Variants in NTRK2 observed in about 807,000 individuals in gnomAD.
NTRK2 encodes neurotrophic receptor tyrosine kinase 2, also known as BDNF/NT-3 growth factors receptor.
Under a neutral mutation model 94.5 loss-of-function variants are expected in NTRK2, and 13 were observed. That is an observed-to-expected ratio of 0.14 (90% CI 0.09 to 0.22). NTRK2 has a LOEUF of 0.22. NTRK2 is among the 10% of genes least tolerant of loss of function. NTRK2 has a pLI of 1.00. For synonymous variants in NTRK2, 372 were observed against 407.4 expected, an observed-to-expected ratio of 0.91 and a Z score of 1.05; for missense variants, 639 against 1,071.2, an observed-to-expected ratio of 0.60 and a Z score of 5.63.
chr9:84,761,265 G>T (rs761311060), intron 12 of NTRK2, among the ~76,000 whole-genome samples: 2 of 152,154 alleles, frequency 1.3e-5, no homozygotes, highest in Non-Finnish European at 2.9e-5. Flanking sequence ...TCTGTCTTCA[G>T]CGACAGTGTA....
intron 14 of NTRK2, among the ~76,000 whole-genome samples, chr9:84,911,396 C>T (rs1358019997): frequency 1.6e-4 from 24 of 152,042 alleles, no homozygotes; most frequent in Non-Finnish European, 2.9e-5. Context: ...CTAGTGAAAC[C>T]ATCTAGAATT....
Position 85,022,973 on chromosome 9 carries a change from G to A in NTRK2, c.*1536G>A, listed in dbSNP as rs1832856409. On this transcript the variant is annotated 3_prime_UTR_variant, in exon 19 of 19. Coordinates refer to ENST00000277120, the MANE Select transcript of NTRK2 (RefSeq NM_006180.6). ...CCCTTGCTCTGGGCTCTAGTTGGGA[G>A]AGTGGTTTCATTCCAAGTGTACTCC... 4.3e-6 allele frequency: 1 copy of A among 233,098 alleles called. No homozygotes were observed. The highest frequency in any genetic ancestry group is 2.2e-5 in the African/African-American group (1 of 45,324). 14.4% of individuals were successfully genotyped at this position (233,098 alleles called of 1,614,324 possible).
intron 14 of NTRK2, among the ~76,000 whole-genome samples, chr9:84,916,237 G>A (rs2077390024): frequency 6.6e-6 from 1 of 152,050 alleles, no homozygotes; most frequent in Non-Finnish European, 1.5e-5. Flanking sequence ...GGGCCAGGGA[G>A]GATGAGAAAT....
intron 12 of NTRK2, among the ~76,000 whole-genome samples, chr9:84,777,137 C>T (rs1046643371): frequency 1.3e-5 from 2 of 152,058 alleles, no homozygotes; most frequent in Non-Finnish European, 2.9e-5. Context: ...CAGTTAAGCC[C>T]CTTACAGGAA....
intron 12 of NTRK2, among the ~76,000 whole-genome samples, chr9:84,833,733 A>G (rs768704688): frequency 1.2e-4 from 18 of 152,166 alleles, no homozygotes; most frequent in Admixed American, 1.3e-4. Context: ...TTTTAGGACT[A>G]CATATAAATC....
chr9:84,959,354 G>T (rs887084398), intron 17 of NTRK2, among the ~76,000 whole-genome samples: 1 of 152,188 alleles, frequency 6.6e-6, no homozygotes, highest in Non-Finnish European at 1.5e-5. Context: ...TGGTGATTGG[G>T]CATGGAGTCA....
chr9:84,790,493 A>G (rs76602411), intron 12 of NTRK2, among the ~76,000 whole-genome samples: 2,832 of 152,298 alleles, frequency 0.019, 86 homozygotes, highest in African/African-American at 0.064. Flanking sequence ...AGACGAACAT[A>G]AAAGGAATCC....
At chr9:84,734,113 G>A (rs924123214) in intron 9 of NTRK2, among the ~76,000 whole-genome samples, 17 of 152,236 alleles carry the variant, frequency 1.1e-4, no homozygotes, top group South Asian at 4.2e-4. Flanking sequence ...AGTGTGAAGC[G>A]TGACTTTCCT....
chr9:84,975,113 G>A (rs1277473054), intron 17 of NTRK2, among the ~76,000 whole-genome samples: 1 of 152,124 alleles, frequency 6.6e-6, no homozygotes, highest in African/African-American at 2.4e-5. Context: ...TGCAGGCAAA[G>A]AATGGCCACC....
chr9:84,928,681 A>T (rs868599744), intron 14 of NTRK2, among the ~76,000 whole-genome samples: 1 of 152,138 alleles, frequency 6.6e-6, no homozygotes, highest in African/African-American at 2.4e-5. Context: ...TGATCTGTCA[A>T]ACCCGAGGGA....
chr9:84,701,886 G>A (rs2060750766), intron 2 of NTRK2, among the ~76,000 whole-genome samples: 3 of 152,214 alleles, frequency 2.0e-5, no homozygotes, highest in Admixed American at 6.5e-5. Context: ...TACTCCAAAA[G>A]GGAAAGAAAA....
rs556869507 is a variant in NTRK2 at position 84,793,561 on chromosome 9, G to A, written c.1396+41476G>A. 2.6e-5 allele frequency among the ~76,000 whole-genome samples: 4 copies of A among 152,218 alleles called. No individual in the cohort carries two copies. In the East Asian group the frequency reaches 5.8e-4, roughly 22 times the overall value. ...CCTCAGCCACCTGCCCCATGCATTC[G>A]CTTCCCAAGGCACAAACACAGATGA... On this transcript the variant is annotated intron_variant, in intron 12 of 18. Transcript: ENST00000277120.
chr9:84,882,223 A>G (rs1465678489), intron 14 of NTRK2, among the ~76,000 whole-genome samples: 4 of 152,060 alleles, frequency 2.6e-5, no homozygotes, highest in Admixed American at 2.6e-4. Context: ...CTGACCCACA[A>G]TGGATTTGAG....
chr9:84,699,060 G>A (rs567552877), intron 2 of NTRK2, among the ~76,000 whole-genome samples: 3 of 147,604 alleles, frequency 2.0e-5, no homozygotes, highest in South Asian at 2.1e-4. Context: ...TTTTTGAGAC[G>A]GAGTCTTGCA....
intron 17 of NTRK2, among the ~76,000 whole-genome samples, chr9:84,970,979 CT>C (rs1446820495): frequency 1.6e-4 from 25 of 152,226 alleles, no homozygotes; most frequent in Non-Finnish European, 2.9e-5. Context: ...AGCATCTCCA[CT>C]TTTACTTTTT....
chr9:84,822,677 C>G (rs543851423), intron 12 of NTRK2, among the ~76,000 whole-genome samples: 1 of 152,116 alleles, frequency 6.6e-6, no homozygotes. Flanking sequence ...GAGTTACTGG[C>G]GAGGCTGCTG....
At position 84,709,961 on chromosome 9, in the gene NTRK2, C is replaced by CTGTGTGTGTGTG. The variant is rs35954183; in HGVS notation, c.429-643_429-632dup. Among the ~76,000 whole-genome samples, 221 of 115,344 alleles carry CTGTGTGTGTGTG rather than the reference C, an allele frequency of 1.9e-3. 1 individual carries two copies. The highest frequency in any genetic ancestry group is 7.0e-3 in the African/African-American group (193 of 27,680). The allele number at this position is 115,344 out of a possible 152,430, so 75.7% of individuals were successfully genotyped here. On this transcript the variant is annotated intron_variant, in intron 5 of 18. Transcript: ENST00000277120. ...TGCCTTGCCCTCAGAATAGCTTGCT[C>CTGTGTGTGTGTG]TGTGTGTGTGTGTGTGTGTGTGTGT...
chr9:84,745,218 G>A lies in NTRK2; in HGVS notation c.1296+145G>A, dbSNP rs1021593203. 2.5e-5 allele frequency: 18 copies of A among 717,318 alleles called. No individual in the cohort carries two copies. In the Admixed American group the frequency reaches 3.7e-4, roughly 15 times the overall value. The allele number at this position is 717,318 out of a possible 1,614,324, so 44.4% of individuals were successfully genotyped here. On this transcript the variant is annotated intron_variant, in intron 11 of 18. Coordinates refer to ENST00000277120, the MANE Select transcript of NTRK2 (RefSeq NM_006180.6). The stretch of plus-strand genomic sequence containing the variant: ...ACCTAGGTTGGAAGAATTAATAAAA[G>A]GCTTAACAAAAGTGATAAAGGTGTT...
chr9:84,864,655 C>A (rs190780309), intron 13 of NTRK2, among the ~76,000 whole-genome samples: 1 of 151,242 alleles, frequency 6.6e-6, no homozygotes, highest in East Asian at 1.9e-4. Flanking sequence ...ACAGCCATGC[C>A]GGGAACCAAG....
Sources: gnomAD v4.1 joint callset for allele counts (sites outside exome capture counted in the v4.1 genomes callset) on GRCh38, gnomAD v4.1.1 for gene constraint, MANE v1.5 for transcripts, NCBI Gene and HGNC (gene_info 2026-07-23, HGNC 2026-07-21) for gene names.